The following RAB1A variants were observed in gnomAD, a reference collection of about 807,000 sequenced individuals.
RAB1A encodes the protein RAB1A, member RAS oncogene family.
A neutral mutation model predicts 26.0 loss-of-function variants in RAB1A; 2 were observed. The ratio of observed to expected loss-of-function variants is 0.08; its 90% CI spans 0.03 to 0.24. RAB1A has a LOEUF of 0.24. Among genes scored for constraint, RAB1A ranks in the 10% least tolerant of loss-of-function variants. The pLI, the probability that RAB1A is intolerant of heterozygous loss-of-function variation, is 1.00. For missense variants in RAB1A, 100 were observed against 247.0 expected, an observed-to-expected ratio of 0.40 and a Z score of 3.99; for synonymous variants, 84 against 84.9, an observed-to-expected ratio of 0.99 and a Z score of 0.06.
intron 1 of RAB1A, among the ~76,000 whole-genome samples, chr2:65,111,335 C>T (rs1306014418): frequency 6.7e-6 from 1 of 150,330 alleles, no homozygotes; most frequent in Non-Finnish European, 1.5e-5. Flanking sequence ...GCACTCCAGC[C>T]TAGGCGACAG....
At chr2:65,097,701 T>C (rs1446970372) in intron 3 of RAB1A, among the ~76,000 whole-genome samples, 1 of 152,166 alleles carries the variant, frequency 6.6e-6, no homozygotes, top group Non-Finnish European at 1.5e-5. Flanking sequence ...AACTTAGATT[T>C]CCACTGATAA....
chr2:65,096,548 TAC>T (rs1368037931), intron 3 of RAB1A, among the ~76,000 whole-genome samples: 2 of 152,188 alleles, frequency 1.3e-5, no homozygotes, highest in African/African-American at 4.8e-5. Flanking sequence ...TGCTTTAAAG[TAC>T]AGTTTTGGGT....
chr2:65,112,670 A>G (rs1257714454), intron 1 of RAB1A, among the ~76,000 whole-genome samples: 1 of 152,212 alleles, frequency 6.6e-6, no homozygotes, highest in Non-Finnish European at 1.5e-5. Context: ...CAGTTAAGGT[A>G]AGAATGGCAT....
chr2:65,112,070 A>C (rs1669711573), intron 1 of RAB1A, among the ~76,000 whole-genome samples: 1 of 152,050 alleles, frequency 6.6e-6, no homozygotes. Flanking sequence ...GCAACAGAAC[A>C]AGACTCCATC....
intron 2 of RAB1A, 47 bp downstream of exon 2, chr2:65,104,687 G>C: frequency 8.0e-7 from 1 of 1,252,928 alleles, no homozygotes; most frequent in Non-Finnish European, 1.1e-6. Context: ...AACATACATA[G>C]CATTAATTGT....
At chr2:65,120,113 T>C (rs1377039568) in intron 1 of RAB1A, among the ~76,000 whole-genome samples, 1 of 152,124 alleles carries the variant, frequency 6.6e-6, no homozygotes, top group African/African-American at 2.4e-5. Context: ...ACTATTTTTA[T>C]AAATTTCATC....
chr2:65,106,521 G>A (rs1669564907), intron 1 of RAB1A: 1 of 181,270 alleles, frequency 5.5e-6, no homozygotes, highest in East Asian at 1.8e-4. Flanking sequence ...TTAAAACATT[G>A]TTTGGGTTTT....
chr2:65,105,963 TG>T (rs1166000384), intron 1 of RAB1A, among the ~76,000 whole-genome samples: 1 of 152,156 alleles, frequency 6.6e-6, no homozygotes, highest in Non-Finnish European at 1.5e-5. Context: ...GGTTTCACCG[TG>T]TTGGCCAGGA....
chr2:65,103,672 T>C (rs1669488309), intron 2 of RAB1A, among the ~76,000 whole-genome samples: 2 of 152,236 alleles, frequency 1.3e-5, no homozygotes, highest in African/African-American at 2.4e-5. Flanking sequence ...TTAGGATATT[T>C]TGACCTCATG....
At chr2:65,090,445 A>G (rs1049439338) in intron 4 of RAB1A, among the ~76,000 whole-genome samples, 1 of 152,194 alleles carries the variant, frequency 6.6e-6, no homozygotes, top group Non-Finnish European at 1.5e-5. Flanking sequence ...ACTGTCCCAC[A>G]TTGTTCCCTC....
chr2:65,099,671 C>A (rs1558578765), intron 2 of RAB1A, among the ~76,000 whole-genome samples: 1 of 152,196 alleles, frequency 6.6e-6, no homozygotes, highest in Non-Finnish European at 1.5e-5. Flanking sequence ...GTCTCCCAGG[C>A]TAGAGTACAA....
At chr2:65,094,028 T>A (rs946483792) in intron 3 of RAB1A, among the ~76,000 whole-genome samples, 2 of 151,502 alleles carry the variant, frequency 1.3e-5, no homozygotes, top group African/African-American at 4.8e-5. Flanking sequence ...AGAGTGCAAA[T>A]GGCACAATCT....
intron 1 of RAB1A, among the ~76,000 whole-genome samples, chr2:65,110,751 T>G (rs944707261): frequency 6.6e-6 from 1 of 151,328 alleles, no homozygotes; most frequent in Non-Finnish European, 1.5e-5. Context: ...CTGAGCAACA[T>G]AGCAAAACCC....
At chr2:65,117,386 AG>A (rs1237842926) in intron 1 of RAB1A, among the ~76,000 whole-genome samples, 3 of 152,042 alleles carry the variant, frequency 2.0e-5, no homozygotes. Context: ...TTTTGCAGAA[AG>A]GGGATCTTAC....
chr2:65,101,701 C>CTT (rs200745473), intron 2 of RAB1A, among the ~76,000 whole-genome samples: 19 of 120,546 alleles, frequency 1.6e-4, no homozygotes, highest in African/African-American at 3.1e-4. Flanking sequence ...AAAGTTGAGC[C>CTT]TTTTTTTTTT....
At chr2:65,104,371 T>C (rs1669505965) in intron 2 of RAB1A, among the ~76,000 whole-genome samples, 1 of 152,166 alleles carries the variant, frequency 6.6e-6, no homozygotes, top group Non-Finnish European at 1.5e-5. Flanking sequence ...TGGCTCTGCT[T>C]TTTCTTCTTA....
intron 1 of RAB1A, among the ~76,000 whole-genome samples, chr2:65,124,559 C>T (rs367807951): frequency 2.0e-5 from 3 of 152,106 alleles, no homozygotes; most frequent in Admixed American, 6.5e-5. Context: ...GAGATTCTCC[C>T]GCCTCAGCTT....
At chr2:65,095,088 A>T (rs1020825714) in intron 3 of RAB1A, among the ~76,000 whole-genome samples, 1 of 152,236 alleles carries the variant, frequency 6.6e-6, no homozygotes, top group Non-Finnish European at 1.5e-5. Flanking sequence ...GCTGCACTCT[A>T]GCGAGGGAGA....
At chr2:65,090,112 G>A (rs1419631806) in intron 4 of RAB1A, among the ~76,000 whole-genome samples, 1 of 152,176 alleles carries the variant, frequency 6.6e-6, no homozygotes, top group East Asian at 1.9e-4. Flanking sequence ...GTCATATTTA[G>A]AGGACGAAAG....
Sources: allele counts gnomAD v4.1 joint callset (sites outside exome capture counted in the v4.1 genomes callset), GRCh38; gene constraint gnomAD v4.1.1; transcripts MANE v1.5; gene names NCBI Gene and HGNC (gene_info 2026-07-23, HGNC 2026-07-21).